The following ZNF609 variants were observed in gnomAD, a reference collection of about 807,000 sequenced individuals.
The protein encoded by ZNF609 is zinc finger protein 609.
ZNF609 carries 11 observed loss-of-function variants against 109.5 expected under a neutral mutation model. The ratio of observed to expected loss-of-function variants is 0.10; its 90% CI spans 0.06 to 0.17. ZNF609 has a LOEUF of 0.17. ZNF609 is among the 10% of genes least tolerant of loss of function. The pLI is 1.00. For missense variants in ZNF609, 1,559 were observed against 1,772.4 expected (o/e 0.88, Z 2.16); for synonymous variants, 646 against 662.0 (o/e 0.98, Z 0.37).
At chr15:64,489,350 T>C (rs1264127132) in intron 1 of ZNF609, among the ~76,000 whole-genome samples, 2 of 150,922 alleles carry the variant, frequency 1.3e-5, no homozygotes, top group Non-Finnish European at 3.0e-5. Flanking sequence ...CGCGCCCGGC[T>C]AATTTTTTTT....
chr15:64,638,554 G>C (rs532701571), intron 3 of ZNF609, among the ~76,000 whole-genome samples: 4 of 151,814 alleles, frequency 2.6e-5, no homozygotes, highest in African/African-American at 7.3e-5. Context: ...TTGGGGGGAG[G>C]GGGGATCAGA....
intron 3 of ZNF609, among the ~76,000 whole-genome samples, chr15:64,651,904 T>C (rs1896422020): frequency 6.6e-6 from 1 of 152,160 alleles, no homozygotes; most frequent in African/African-American, 2.4e-5. Context: ...GTGTTATGTA[T>C]TACCTCTCTC....
At position 64,572,750 on chromosome 15, in the gene ZNF609, G is replaced by A. The variant is rs879587722; in HGVS notation, c.748-50077G>A. ...CTCCACTAAAAATACAAAATTAGCCGGGCATGGTGGCACATGCCTGCATAC... is the reference window on the plus strand; with the variant it reads ...CTCCACTAAAAATACAAAATTAGCCAGGCATGGTGGCACATGCCTGCATAC... On this transcript the variant is annotated intron_variant, in intron 2 of 9. Coordinates refer to ENST00000326648, the MANE Select transcript of ZNF609 (RefSeq NM_015042.2). Among the ~76,000 whole-genome samples, 7 of 152,108 alleles carry A rather than the reference G, an allele frequency of 4.6e-5. No homozygotes were observed. In the East Asian group the frequency reaches 5.8e-4, roughly 13 times the overall value.
rs977315492 is a variant in ZNF609 at position 64,674,713 on chromosome 15, G to A, written c.1859G>A (p.Ser620Asn). 6.2e-7 allele frequency: 1 copy of A among 1,614,092 alleles called. No homozygotes were observed. Among genetic ancestry groups the A allele is most frequent in the South Asian group, 1.1e-5 (1 of 91,078 alleles). ...GGACCCTCAGTGATGGATGAAACAAGCAATGATGCCTTTGATTCTTTAGAA... is the reference window on the plus strand; with the variant it reads ...GGACCCTCAGTGATGGATGAAACAAACAATGATGCCTTTGATTCTTTAGAA... ...DDGPSVMDET[S>N]NDAFDSLERK... is the part of the protein sequence containing the mutation. The change falls in exon 5 of 10, where the codon AGC becomes AAC. Residue 620 changes from serine to asparagine, a missense_variant. Ser to Asn is a conservative substitution (Grantham distance 46). Transcript: ENST00000326648.
At chr15:64,510,225 G>A (rs765496979) in intron 2 of ZNF609, among the ~76,000 whole-genome samples, 85 of 133,450 alleles carry the variant, frequency 6.4e-4, no homozygotes, top group East Asian at 1.1e-3. Flanking sequence ...TTTTTTAACA[G>A]ACAGGGTCTC....
At chr15:64,669,022 T>C (rs1477899086) in intron 3 of ZNF609, among the ~76,000 whole-genome samples, 1 of 151,826 alleles carries the variant, frequency 6.6e-6, no homozygotes, top group Non-Finnish European at 1.5e-5. Flanking sequence ...ACATAATTTT[T>C]CTTTTATCAG....
chr15:64,658,351 C>T (rs780255126), intron 3 of ZNF609, among the ~76,000 whole-genome samples: 3 of 152,118 alleles, frequency 2.0e-5, no homozygotes, highest in Non-Finnish European at 4.4e-5. Context: ...GCATGCACCA[C>T]CACGCCCAGC....
intron 3 of ZNF609, among the ~76,000 whole-genome samples, chr15:64,660,436 T>G (rs1896557216): frequency 6.6e-6 from 1 of 151,206 alleles, no homozygotes; most frequent in African/African-American, 2.5e-5. Context: ...CTTCTGGTTT[T>G]TATAATACAG....
chr15:64,565,760 T>G (rs2140408632), intron 2 of ZNF609, among the ~76,000 whole-genome samples: 1 of 152,356 alleles, frequency 6.6e-6, no homozygotes, highest in East Asian at 1.9e-4. Context: ...TAGTTTTGAC[T>G]AAACTAAGGA....
At chr15:64,550,018 C>T (rs1438230264) in intron 2 of ZNF609, among the ~76,000 whole-genome samples, 1 of 152,088 alleles carries the variant, frequency 6.6e-6, no homozygotes, top group Non-Finnish European at 1.5e-5. Context: ...GGCTGGAGTG[C>T]CATCACAGCT....
chr15:64,488,261 TA>T (rs2140342162), intron 1 of ZNF609, among the ~76,000 whole-genome samples: 1 of 152,288 alleles, frequency 6.6e-6, no homozygotes, highest in East Asian at 1.9e-4. Context: ...AGTTTATAAC[TA>T]GTGACAAATC....
At chr15:64,534,105 G>A (rs1445547819) in intron 2 of ZNF609, among the ~76,000 whole-genome samples, 9 of 150,302 alleles carry the variant, frequency 6.0e-5, no homozygotes, top group Non-Finnish European at 1.2e-4. Context: ...TCTGCCTCCC[G>A]GGTTGAAGCG....
At chr15:64,485,697 C>G (rs557655161) in intron 1 of ZNF609, among the ~76,000 whole-genome samples, 2 of 152,090 alleles carry the variant, frequency 1.3e-5, no homozygotes, top group East Asian at 3.9e-4. Context: ...CCCAGCTATT[C>G]TGGAAGCTGA....
At position 64,538,106 on chromosome 15, in the gene ZNF609, C is replaced by CA. The variant is rs397941206; in HGVS notation, c.747+37952dup. On this transcript the variant is annotated intron_variant, in intron 2 of 9. Coordinates refer to ENST00000326648, the MANE Select transcript of ZNF609 (RefSeq NM_015042.2). ...GGGCAACAGGAGCAAAACTCCATCT[C>CA]AAAAAAAAAAAAGAAAGAAAGAAAA... Among the ~76,000 whole-genome samples the CA allele has an allele frequency of 6.1e-3, 789 of 129,494 alleles. 3 individuals carry two copies. Among genetic ancestry groups the CA allele is most frequent in the Non-Finnish European group, 6.5e-3 (390 of 60,144 alleles). 85.0% of individuals were successfully genotyped at this position (129,494 alleles called of 152,430 possible).
chr15:64,678,822 G>T (rs763782192), intron 6 of ZNF609, among the ~76,000 whole-genome samples: 2 of 152,222 alleles, frequency 1.3e-5, no homozygotes, highest in Non-Finnish European at 2.9e-5. Context: ...ACGTTTTGCA[G>T]TGTGCTAGGC....
At chr15:64,656,850 C>T (rs1896495848) in intron 3 of ZNF609, among the ~76,000 whole-genome samples, 1 of 151,622 alleles carries the variant, frequency 6.6e-6, no homozygotes, top group Admixed American at 6.6e-5. Context: ...TATATCCATT[C>T]TCCGACACCA....
chr15:64,568,933 T>C (rs1487230502), intron 2 of ZNF609, among the ~76,000 whole-genome samples: 1 of 152,212 alleles, frequency 6.6e-6, no homozygotes, highest in Non-Finnish European at 1.5e-5. Flanking sequence ...TAACATGATG[T>C]GGTTTGTTTA....
chr15:64,568,876 AAC>A (rs1298813946), intron 2 of ZNF609, among the ~76,000 whole-genome samples: 1 of 152,178 alleles, frequency 6.6e-6, no homozygotes, highest in African/African-American at 2.4e-5. Context: ...CTTTGCTGAG[AAC>A]AATTTGTGTG....
At chr15:64,523,165 T>A (rs1183761623) in intron 2 of ZNF609, among the ~76,000 whole-genome samples, 1 of 152,212 alleles carries the variant, frequency 6.6e-6, no homozygotes, top group Non-Finnish European at 1.5e-5. Context: ...ATACCCTTAA[T>A]GATCTTTTGA....
Sources: gnomAD v4.1 joint callset for allele counts (sites outside exome capture counted in the v4.1 genomes callset) on GRCh38, gnomAD v4.1.1 for gene constraint, MANE v1.5 for transcripts, NCBI Gene and HGNC (gene_info 2026-07-23, HGNC 2026-07-21) for gene names.